Variants in PRDM16 observed in about 807,000 individuals in gnomAD.
PRDM16 encodes PR/SET domain 16.
A neutral mutation model predicts 110.6 loss-of-function variants in PRDM16; 23 were observed. The ratio of observed to expected loss-of-function variants is 0.21; its 90% confidence interval spans 0.15 to 0.29. The LOEUF (loss-of-function observed/expected upper bound fraction) is 0.29, where lower values mean the gene tolerates loss of function less well. Ranked by LOEUF, PRDM16 falls within the 10% of genes least tolerant of loss-of-function variation. The pLI is 1.00. For synonymous variants in PRDM16, 799 were observed against 781.8 expected (o/e 1.02, Z -0.37); for missense variants, 1,615 against 1,794.3 (o/e 0.90, Z 1.81).
chr1:3,430,801 C>A, intron 14 of PRDM16, 71 bp from the exon 15 acceptor site: 1 of 1,570,156 alleles, frequency 6.4e-7, no homozygotes, highest in Non-Finnish European at 8.7e-7. Flanking sequence ...AGCGGAGTCA[C>A]CAGCCTTTGG....
At chr1:3,426,911 A>T (rs1254927156) in intron 14 of PRDM16, among the ~76,000 whole-genome samples, 1 of 152,112 alleles carries the variant, frequency 6.6e-6, no homozygotes, top group Non-Finnish European at 1.5e-5. Context: ...AGGTCCCCAA[A>T]TACGGGCATG....
intron 8 of PRDM16, among the ~76,000 whole-genome samples, chr1:3,410,314 G>A (rs1643663444): frequency 1.3e-5 from 2 of 152,162 alleles, no homozygotes; most frequent in African/African-American, 4.8e-5. Flanking sequence ...AGTCTAGCTG[G>A]GCCGGCACTG....
rs1006947269 is a variant in PRDM16, at chr1:3,209,501, G to T, written c.387+23027G>T. 5.3e-5 allele frequency among the ~76,000 whole-genome samples: 8 copies of T among 152,204 alleles called. No homozygotes were observed. The highest frequency in any genetic ancestry group is 1.7e-4 in the African/African-American group (7 of 41,454). ...GCCAGGGAGGCAGGAGGCCAGGCCTGGGTGTGGAATAGGCCTCGCTGGGAG... is the reference window on the plus strand; with the variant it reads ...GCCAGGGAGGCAGGAGGCCAGGCCTTGGTGTGGAATAGGCCTCGCTGGGAG... On this transcript the variant is annotated intron_variant, in intron 2 of 16. Coordinates refer to ENST00000270722, the MANE Select transcript of PRDM16 (RefSeq NM_022114.4). This position sits in a 1 kb window ranked among gnomAD's most constrained non-coding sequence, Gnocchi z 4.6.
chr1:3,074,412 T>C (rs1355680217), intron 1 of PRDM16, among the ~76,000 whole-genome samples: 1 of 150,346 alleles, frequency 6.7e-6, no homozygotes, highest in Non-Finnish European at 1.5e-5. Flanking sequence ...GGGTTTTTTC[T>C]GTGTGTGTGT....
chr1:3,383,807 G>T (rs1202648049), intron 3 of PRDM16, among the ~76,000 whole-genome samples: 2 of 150,672 alleles, frequency 1.3e-5, no homozygotes, highest in Non-Finnish European at 3.0e-5. Context: ...CATCACCCCT[G>T]CCCGCCCAGA....
intron 3 of PRDM16, among the ~76,000 whole-genome samples, chr1:3,378,307 G>A (rs2100591648): frequency 6.6e-6 from 1 of 152,300 alleles, no homozygotes; most frequent in East Asian, 1.9e-4. Flanking sequence ...GGGGAGTGGT[G>A]GCCTCTCTCT....
At chr1:3,221,255 G>A (rs1236846293) in intron 2 of PRDM16, among the ~76,000 whole-genome samples, 3 of 152,250 alleles carry the variant, frequency 2.0e-5, no homozygotes, top group South Asian at 4.1e-4. Flanking sequence ...GACTAAGAGA[G>A]CAGAAGACTG....
rs866538835 is a variant in PRDM16, at chr1:3,353,709, G to A, written c.439-31443G>A. The stretch of plus-strand genomic sequence containing the variant: ...ACAATCCTAGCTCAGGCTGGTGGAG[G>A]TTTGGGGATGCCGAAGCAGCCAGAG... On this transcript the variant is annotated intron_variant, in intron 3 of 16. Transcript: ENST00000270722. This position sits in a 1 kb window ranked among gnomAD's most constrained non-coding sequence, Gnocchi z 5.4. Among the ~76,000 whole-genome samples, 18 of 152,228 alleles carry A rather than the reference G, an allele frequency of 1.2e-4. No individual in the cohort carries two copies. Among genetic ancestry groups the A allele is most frequent in the Middle Eastern group, 3.2e-3 (1 of 316 alleles).
intron 3 of PRDM16, among the ~76,000 whole-genome samples, chr1:3,384,646 T>TA (rs1253336738): frequency 6.6e-6 from 1 of 152,242 alleles, no homozygotes; most frequent in Non-Finnish European, 1.5e-5. Context: ...TCTCCAGCTT[T>TA]AAGGAAACCA....
chr1:3,115,433 G>A (rs1642934523), intron 1 of PRDM16, among the ~76,000 whole-genome samples: 1 of 152,236 alleles, frequency 6.6e-6, no homozygotes, highest in African/African-American at 2.4e-5. Flanking sequence ...TGATGGGATT[G>A]TGTCAGCTTG....
At chr1:3,329,341 G>A (rs1187893180) in intron 3 of PRDM16, among the ~76,000 whole-genome samples, 1 of 152,162 alleles carries the variant, frequency 6.6e-6, no homozygotes, top group African/African-American at 2.4e-5. Flanking sequence ...TCAAGCATCC[G>A]GGTAGGACCC....
At chr1:3,220,819 A>G (rs182768854) in intron 2 of PRDM16, among the ~76,000 whole-genome samples, 3 of 152,270 alleles carry the variant, frequency 2.0e-5, no homozygotes, top group Admixed American at 1.3e-4. Flanking sequence ...TACAGTCTGC[A>G]TGGGGAAGCT....
At chr1:3,117,157 A>G (rs1471422345) in intron 1 of PRDM16, among the ~76,000 whole-genome samples, 1 of 152,192 alleles carries the variant, frequency 6.6e-6, no homozygotes, top group Middle Eastern at 3.2e-3. Flanking sequence ...TTCGGCTCCC[A>G]TCAGCCGGGA....
At chr1:3,334,466 C>G (rs1395917485) in intron 3 of PRDM16, among the ~76,000 whole-genome samples, 1 of 151,964 alleles carries the variant, frequency 6.6e-6, no homozygotes, top group Admixed American at 6.5e-5. Flanking sequence ...TGAAGCATGG[C>G]TGAGGACCAG....
rs112303605 is a variant in PRDM16 at position 3,087,988 on chromosome 1, C to T, written c.37+18692C>T. 1.3e-3 allele frequency among the ~76,000 whole-genome samples: 198 copies of T among 151,902 alleles called. 1 individual carries two copies. The highest frequency in any genetic ancestry group is 4.6e-3 in the African/African-American group (191 of 41,402). On this transcript the variant is annotated intron_variant, in intron 1 of 16. Transcript: ENST00000270722. ...CACCCCTGCTCTTTGGCCTTGGTGC[C>T]GCCTTCTTCTTGCCCTCCTCATTTC...
intron 9 of PRDM16, among the ~76,000 whole-genome samples, chr1:3,413,319 C>T (rs1037189287): frequency 4.7e-4 from 71 of 151,976 alleles, no homozygotes; most frequent in African/African-American, 1.5e-3. Context: ...CTGGGGGCCC[C>T]GGGGGAATCA....
intron 3 of PRDM16, among the ~76,000 whole-genome samples, chr1:3,380,035 C>G (rs954042538): frequency 6.9e-6 from 1 of 145,784 alleles, no homozygotes; most frequent in East Asian, 2.1e-4. Context: ...CACCATGCAC[C>G]CCTCCCAACA....
intron 1 of PRDM16, among the ~76,000 whole-genome samples, chr1:3,118,090 TG>T (rs1176196313): frequency 1.3e-5 from 2 of 151,544 alleles, no homozygotes; most frequent in East Asian, 2.0e-4. Context: ...TGCATGTGTA[TG>T]TGTGTACATG....
In PRDM16 at chr1:3,405,647, A is replaced by G; in HGVS notation, c.1185A>G (p.Ile395Met). 1.3e-6 allele frequency: 2 copies of G among 1,576,036 alleles called. No homozygotes were observed. Among genetic ancestry groups the G allele is most frequent in the South Asian group, 1.1e-5 (1 of 87,004 alleles). ...TCCACAGCACGGTGAAGCCTTTCAT[A>G]TGTGAGTGGTCGCCCAGCCTGGCCG... ...KHIHSTVKPF[I>M]CEVCHKSYTQ... The change falls in exon 8 of 17, where the codon ATA becomes ATG. Residue 395 changes from isoleucine (I) to methionine (M), a missense_variant and splice_region_variant. Around this residue, in one of 5 missense-constraint regions of PRDM16, gnomAD observed 82 missense variants for 144.4 expected, o/e 0.57. Coordinates refer to ENST00000270722, the MANE Select transcript of PRDM16 (RefSeq NM_022114.4).
Sources: allele counts gnomAD v4.1 joint callset (sites outside exome capture counted in the v4.1 genomes callset), GRCh38; gene constraint gnomAD v4.1.1; regional missense constraint gnomAD v4.1.1; non-coding constraint Gnocchi (gnomAD v3.1); transcripts MANE v1.5; gene names NCBI Gene and HGNC (gene_info 2026-07-23, HGNC 2026-07-21).